The following ZMAT5 variants were observed in gnomAD, a reference collection of about 807,000 sequenced individuals.
ZMAT5 encodes zinc finger matrin-type protein 5.
Under a neutral mutation model 28.0 loss-of-function variants are expected in ZMAT5, and 23 were observed. The observed-to-expected ratio is 0.82, with a 90% CI of 0.59 to 1.16. ZMAT5 has a LOEUF of 1.16. ZMAT5 is among the 50% of genes most tolerant of loss of function. The pLI, the probability that ZMAT5 is intolerant of heterozygous loss-of-function variation, is 0.00. For missense variants in ZMAT5, 173 were observed against 212.7 expected (o/e 0.81, Z 1.16); for synonymous variants, 76 against 84.1 (o/e 0.90, Z 0.52).
chr22:29,763,149 C>T (rs1487150133), intron 1 of ZMAT5, among the ~76,000 whole-genome samples: 5 of 151,722 alleles, frequency 3.3e-5, no homozygotes, highest in South Asian at 2.1e-4. Flanking sequence ...AAAAATTATC[C>T]GGGCGTGGTG....
In ZMAT5 at chr22:29,745,239, G is replaced by A. The variant is rs550519365; in HGVS notation, c.128-2759C>T. ...CCTGAGGATTTGCTGCCTGACTTGA[G>A]TTCTGAGGTGGTGGGGGGGCCTGGC... On this transcript the variant is annotated intron_variant, in intron 2 of 5. Coordinates refer to ENST00000344318, the MANE Select transcript of ZMAT5 (RefSeq NM_001003692.2). Among the ~76,000 whole-genome samples, 11 of 152,326 alleles carry A rather than the reference G, an allele frequency of 7.2e-5. 1 individual carries two copies. The South Asian group carries it at 2.3e-3, about 32-fold the overall frequency.
intron 1 of ZMAT5, among the ~76,000 whole-genome samples, chr22:29,753,599 C>T (rs2068073742): frequency 6.6e-6 from 1 of 151,634 alleles, no homozygotes; most frequent in Admixed American, 6.6e-5. Context: ...TGAGGCAGGA[C>T]AATCACTTGA....
chr22:29,744,398 T>C (rs1056749472), intron 2 of ZMAT5, among the ~76,000 whole-genome samples: 1 of 151,462 alleles, frequency 6.6e-6, no homozygotes, highest in African/African-American at 2.4e-5. Context: ...GGGGGTGTGG[T>C]CTGCTGGGAT....
At chr22:29,737,834 C>T (rs1052830557) in intron 5 of ZMAT5, among the ~76,000 whole-genome samples, 2 of 152,038 alleles carry the variant, frequency 1.3e-5, no homozygotes, top group Non-Finnish European at 2.9e-5. Context: ...GTGAGCGTCC[C>T]GAGGGCTGGG....
intron 2 of ZMAT5, chr22:29,747,106 G>A (rs569432399): frequency 1.3e-5 from 2 of 152,250 alleles, no homozygotes; most frequent in African/African-American, 4.8e-5. Flanking sequence ...TCTGGGGAGG[G>A]GATGGGGTTG....
At chr22:29,756,457 A>C (rs2068102232) in intron 1 of ZMAT5, among the ~76,000 whole-genome samples, 2 of 152,152 alleles carry the variant, frequency 1.3e-5, no homozygotes, top group South Asian at 4.1e-4. Context: ...TCCTGACCTC[A>C]TCCCTGTGTT....
chr22:29,742,998 T>G (rs1485830577), intron 2 of ZMAT5, among the ~76,000 whole-genome samples: 1 of 151,972 alleles, frequency 6.6e-6, no homozygotes, highest in Non-Finnish European at 1.5e-5. Flanking sequence ...CTCATTATGT[T>G]GCCCAGGCTG....
chr22:29,740,635 C>T lies in ZMAT5; in HGVS notation c.271+15G>A. ...CACCCCACTCCCGCTTAGCCCAGGG[C>T]ATCCCGAGACGTACCCTCCACCTGG... On this transcript the variant is annotated intron_variant, in intron 4 of 5. Coordinates refer to ENST00000344318, the MANE Select transcript of ZMAT5 (RefSeq NM_001003692.2). The T allele has an allele frequency of 6.3e-7, 1 of 1,587,332 alleles. No individual in the cohort carries two copies.
chr22:29,740,754 TC>T, intron 3 of ZMAT5, 24 bp from the exon 4 acceptor site: 1 of 1,573,874 alleles, frequency 6.4e-7, no homozygotes, highest in Non-Finnish European at 8.6e-7. Flanking sequence ...ACAGAGTTAC[TC>T]GCTGCTCGGG....
rs373512541 is a variant in ZMAT5 at position 29,748,409 on chromosome 22, G to A, written c.127+9C>T. 1.1e-4 allele frequency: 174 copies of A among 1,614,044 alleles called. No homozygotes were observed. Among genetic ancestry groups the A allele is most frequent in the East Asian group, 8.9e-5 (4 of 44,894 alleles). On this transcript the variant is annotated intron_variant, in intron 2 of 5. Transcript: ENST00000344318. ...TCCAGGAGCCTGGCCCCCAGCCAGC[G>A]GCACCCACCTCGGAACATGTCGTAC...
At chr22:29,734,833 A>C (rs1034291218) in intron 5 of ZMAT5, among the ~76,000 whole-genome samples, 1 of 30,166 alleles carries the variant, frequency 3.3e-5, no homozygotes, top group Admixed American at 2.6e-4. Context: ...CCCCCGCCCC[A>C]GCCCCAGCCC....
At chr22:29,739,806 G>T (rs1021204997) in intron 4 of ZMAT5, among the ~76,000 whole-genome samples, 2 of 152,256 alleles carry the variant, frequency 1.3e-5, no homozygotes, top group Non-Finnish European at 2.9e-5. Flanking sequence ...TGGAAACCCT[G>T]TGTTGGTCCC....
chr22:29,738,421 A>G lies in ZMAT5; in HGVS notation c.292T>C (p.Trp98Arg). ...GGGAGCTCAGGAGCATCTAGTAGCC[A>G]CTCCCTGGCTCGCCTCTCCTCTGTG... ...QVEEERRAREWLLDAPELPEG... is the reference protein window; with the variant it reads ...QVEEERRARERLLDAPELPEG... The change falls in exon 5 of 6, where the codon TGG (tryptophan) becomes CGG (arginine). Residue 98 changes from tryptophan to arginine, a missense_variant. Coordinates refer to ENST00000344318, the MANE Select transcript of ZMAT5 (RefSeq NM_001003692.2). 6.2e-7 allele frequency: 1 copy of G among 1,609,204 alleles called. No homozygotes were observed. Among genetic ancestry groups the G allele is most frequent in the Non-Finnish European group, 8.5e-7 (1 of 1,179,548 alleles).
chr22:29,748,820 C>A (rs557622328), intron 1 of ZMAT5, among the ~76,000 whole-genome samples: 5 of 152,222 alleles, frequency 3.3e-5, no homozygotes, highest in African/African-American at 7.2e-5. Context: ...GGCCTGGGCA[C>A]TGTTTTTTCT....
rs1346827856 is a variant in ZMAT5, at chr22:29,748,587, G to A, written c.-27-16C>T. On this transcript the variant is annotated splice_polypyrimidine_tract_variant and intron_variant, in intron 1 of 5. Transcript: ENST00000344318. ...GCTTTGCTGCCTGGGAAGCCACAAAGAGCTCAGATTAGACCATTGGAGAAA... is the reference window on the plus strand; with the variant it reads ...GCTTTGCTGCCTGGGAAGCCACAAAAAGCTCAGATTAGACCATTGGAGAAA... The A allele has an allele frequency of 6.2e-7, 1 of 1,612,886 alleles. No homozygotes were observed. Among genetic ancestry groups the A allele is most frequent in the Non-Finnish European group, 8.5e-7 (1 of 1,179,782 alleles).
Position 29,756,231 on chromosome 22 carries a change from G to A in ZMAT5, c.-27-7660C>T, listed in dbSNP as rs377637312. On this transcript the variant is annotated intron_variant, in intron 1 of 5. Coordinates refer to ENST00000344318, the MANE Select transcript of ZMAT5 (RefSeq NM_001003692.2). The stretch of plus-strand genomic sequence containing the variant: ...CAGCCAGAGGACGGCTTTATTGCAC[G>A]CCCACTAGGAGCTCGGTAATGTCCC... 2.6e-5 allele frequency among the ~76,000 whole-genome samples: 4 copies of A among 152,292 alleles called. No individual in the cohort carries two copies. In the East Asian group the frequency reaches 5.8e-4, roughly 22 times the overall value.
Position 29,748,434 on chromosome 22 carries a change from C to G in ZMAT5, c.111G>C (p.Trp37Cys). Residue 37 changes from tryptophan (W) to cysteine (C), a missense_variant, in exon 2 of 6, where the codon TGG (tryptophan) becomes TGC (cysteine). By Grantham distance (215) the Trp-to-Cys change is radical. Transcript: ENST00000344318. ...GLQHLKAKKVWYDMFRDAAAI... is the reference protein window; with the variant it reads ...GLQHLKAKKVCYDMFRDAAAI... The stretch of plus-strand genomic sequence containing the variant: ...GGCACCCACCTCGGAACATGTCGTA[C>G]CAGACCTTCTTGGCCTTGAGGTGCT... 1 of 1,614,252 alleles carries G rather than the reference C, an allele frequency of 6.2e-7. No individual in the cohort carries two copies.
intron 1 of ZMAT5, among the ~76,000 whole-genome samples, 178 bp downstream of exon 1, chr22:29,766,694 G>A (rs1199481481): frequency 1.3e-5 from 2 of 152,214 alleles, no homozygotes; most frequent in Non-Finnish European, 2.9e-5. Context: ...CCAGGGTGAA[G>A]GGTTTAACCT....
chr22:29,759,966 C>T (rs1293117764), intron 1 of ZMAT5, among the ~76,000 whole-genome samples: 1 of 151,914 alleles, frequency 6.6e-6, no homozygotes, highest in African/African-American at 2.4e-5. Flanking sequence ...TTTGGGAGGC[C>T]AAGGTGGGTG....
Sources: allele counts gnomAD v4.1 joint callset (sites outside exome capture counted in the v4.1 genomes callset), GRCh38; gene constraint gnomAD v4.1.1; transcripts MANE v1.5; gene names NCBI Gene and HGNC (gene_info 2026-07-23, HGNC 2026-07-21).